Variants in ZNF254 observed in about 807,000 individuals in gnomAD.
ZNF254 encodes CTD-2017D11.1.
ZNF254 carries 10 observed loss-of-function variants against 12.4 expected under a neutral mutation model. The ratio of observed to expected loss-of-function variants is 0.80; its 90% CI spans 0.50 to 1.36. ZNF254 has a LOEUF of 1.36. Ranked by LOEUF, ZNF254 falls within the 40% of genes most tolerant of loss-of-function variation. The pLI, the probability that ZNF254 is intolerant of heterozygous loss-of-function variation, is 0.00. For synonymous variants in ZNF254, 305 were observed against 253.4 expected, an observed-to-expected ratio of 1.20 and a Z score of -1.93; for missense variants, 996 against 763.9, an observed-to-expected ratio of 1.30 and a Z score of -3.58.
intron 2 of ZNF254, among the ~76,000 whole-genome samples, chr19:24,076,199 A>T (rs968169585): frequency 1.3e-5 from 2 of 152,334 alleles, no homozygotes; most frequent in East Asian, 3.9e-4. Context: ...AAGAATATTG[A>T]TTGGGGAAGT....
At chr19:24,107,586 C>G (rs1973423609) in intron 3 of ZNF254, among the ~76,000 whole-genome samples, 1 of 152,074 alleles carries the variant, frequency 6.6e-6, no homozygotes, top group Non-Finnish European at 1.5e-5. Context: ...AATGTACTCT[C>G]TCTATATACA....
intron 1 of ZNF254, among the ~76,000 whole-genome samples, chr19:24,097,098 T>G (rs1417610001): frequency 3.3e-5 from 5 of 152,212 alleles, no homozygotes. Flanking sequence ...TATATGTAAA[T>G]CATATTAACA....
chr19:24,074,260 A>G (rs1057319176), intron 2 of ZNF254, among the ~76,000 whole-genome samples: 1 of 151,966 alleles, frequency 6.6e-6, no homozygotes, highest in African/African-American at 2.4e-5. Context: ...CACATAAATA[A>G]TTTTTTCTAT....
intron 2 of ZNF254, among the ~76,000 whole-genome samples, chr19:24,074,708 A>G (rs973668332): frequency 2.0e-5 from 3 of 152,058 alleles, no homozygotes; most frequent in Admixed American, 1.3e-4. Context: ...GTGATGTATC[A>G]CTTGGCCCAG....
chr19:24,078,899 C>T (rs1192751643), intron 2 of ZNF254: 1 of 152,168 alleles, frequency 6.6e-6, no homozygotes, highest in Non-Finnish European at 1.5e-5. Context: ...AACTCATCGT[C>T]AGGGCTGTCT....
chr19:24,099,661 G>A (rs1254112164), intron 1 of ZNF254, among the ~76,000 whole-genome samples: 1 of 152,128 alleles, frequency 6.6e-6, no homozygotes, highest in Non-Finnish European at 1.5e-5. Context: ...TAACCAGTTA[G>A]CATACATGGA....
intron 1 of ZNF254, among the ~76,000 whole-genome samples, chr19:24,092,755 G>A (rs889750050): frequency 1.3e-5 from 2 of 152,218 alleles, no homozygotes; most frequent in Admixed American, 6.5e-5. Context: ...ATTGTGAATA[G>A]TGCTGTAGTG....
rs536952172 is a variant in ZNF254 at position 24,044,781 on chromosome 19, A to AT, written c.-189-1401dup. 1.4e-4 allele frequency among the ~76,000 whole-genome samples: 21 copies of AT among 152,280 alleles called. 1 individual carries two copies. In the South Asian group the frequency reaches 4.3e-3, roughly 32 times the overall value. ...ACTTTCTTATTTCATCTTGGGTCAAATTAGGAACTCTGCCCTTGACTGCAT... is the reference window on the plus strand; with the variant it reads ...ACTTTCTTATTTCATCTTGGGTCAAATTTAGGAACTCTGCCCTTGACTGCAT... On this transcript the variant is annotated intron_variant, in intron 1 of 4. Coordinates refer to the ZNF254 transcript ENST00000613065.
At chr19:24,064,795 G>GGGATTACC (rs1418345855) in intron 2 of ZNF254, 1 of 152,188 alleles carries the variant, frequency 6.6e-6, no homozygotes, top group Non-Finnish European at 1.5e-5. Context: ...CTAAAGTGCT[G>GGGATTACC]GGATTACCGG....
At chr19:24,122,605 A>G (rs1406673827) in intron 3 of ZNF254, among the ~76,000 whole-genome samples, 1 of 151,908 alleles carries the variant, frequency 6.6e-6, no homozygotes, top group African/African-American at 2.4e-5. Context: ...CATATATTTC[A>G]TACAATCTGT....
At chr19:24,113,862 A>C (rs1350576528) in intron 3 of ZNF254, among the ~76,000 whole-genome samples, 4 of 152,220 alleles carry the variant, frequency 2.6e-5, no homozygotes, top group African/African-American at 4.8e-5. Context: ...TCAATGTACA[A>C]CAATCACAAG....
chr19:24,049,371 CT>C (rs1970561333), intron 2 of ZNF254: 1 of 151,478 alleles, frequency 6.6e-6, no homozygotes, highest in South Asian at 2.1e-4. Context: ...CATGCACAAT[CT>C]GGTCATATTT....
At chr19:24,039,631 T>C (rs779154070) in intron 1 of ZNF254, among the ~76,000 whole-genome samples, 1 of 152,166 alleles carries the variant, frequency 6.6e-6, no homozygotes, top group Non-Finnish European at 1.5e-5. Flanking sequence ...AACTGATATG[T>C]AAACAAATTG....
At chr19:24,039,410 TTTG>T (rs143809111) in intron 1 of ZNF254, among the ~76,000 whole-genome samples, 24,100 of 152,154 alleles carry the variant, frequency 0.16, 2,078 homozygotes, top group Middle Eastern at 0.23. Flanking sequence ...AGAAAGTTTT[TTTG>T]TTGTTGTTTT....
In ZNF254 at chr19:24,117,324, C is replaced by T. The variant is rs866531520; in HGVS notation, c.254-8930C>T. On this transcript the variant is annotated intron_variant, in intron 3 of 3. Coordinates refer to ENST00000357002, the MANE Select transcript of ZNF254 (RefSeq NM_203282.4). ...GGAGCCTACAGAGGCAGGCAGGCCT[C>T]CTTGAGCTGTGGTGGGCTCCACCCA... Among the ~76,000 whole-genome samples, 135 of 152,298 alleles carry T rather than the reference C, an allele frequency of 8.9e-4. 1 individual carries two copies. The highest frequency in any genetic ancestry group is 6.8e-3 in the Middle Eastern group (2 of 294).
rs1975048079 is a variant in ZNF254, at chr19:24,128,486, T to C, written c.*506T>C. Reference sequence around the variant, plus strand: ...ATGAAGAGGATTGTAATATCTTTACTTGTACCACAGATCTTATTGTACACA... The same window carrying C: ...ATGAAGAGGATTGTAATATCTTTACCTGTACCACAGATCTTATTGTACACA... On this transcript the variant is annotated 3_prime_UTR_variant, in exon 4 of 4. Coordinates refer to ENST00000357002, the MANE Select transcript of ZNF254 (RefSeq NM_203282.4). The C allele has an allele frequency of 6.6e-6, 1 of 152,298 alleles. No homozygotes were observed. Among genetic ancestry groups the C allele is most frequent in the South Asian group, 2.1e-4 (1 of 4,832 alleles). 9.4% of individuals were successfully genotyped at this position (152,298 alleles called of 1,614,324 possible). A position where few individuals can be genotyped will look rare whatever the true frequency, so the allele number is the denominator to read the frequency against.
At chr19:24,049,197 TATATATATATATATATA>T (rs1343587279) in intron 2 of ZNF254, among the ~76,000 whole-genome samples, 2 of 64,548 alleles carry the variant, frequency 3.1e-5, no homozygotes, top group African/African-American at 6.9e-5. Flanking sequence ...TATATATATA[TATATATATATATATATA>T]TTTTTTTTTT....
At chr19:24,037,339 C>T (rs62117085) in intron 1 of ZNF254, among the ~76,000 whole-genome samples, 24,306 of 152,200 alleles carry the variant, frequency 0.16, 2,111 homozygotes, top group Middle Eastern at 0.23. Flanking sequence ...TAAGAACAGA[C>T]AAAAATTAGA....
intron 3 of ZNF254, among the ~76,000 whole-genome samples, chr19:24,113,684 G>T (rs1006013508): frequency 5.9e-5 from 9 of 152,142 alleles, no homozygotes; most frequent in African/African-American, 1.9e-4. Context: ...GTTCTGGCCA[G>T]GGCAATTAGG....
Sources: allele counts gnomAD v4.1 joint callset (sites outside exome capture counted in the v4.1 genomes callset), GRCh38; gene constraint gnomAD v4.1.1; transcripts MANE v1.5; gene names NCBI Gene and HGNC (gene_info 2026-07-23, HGNC 2026-07-21).